ATRN: variants seen among roughly 807,000 people sequenced by gnomAD.
The protein encoded by ATRN is attractin-2.
ATRN carries 54 observed loss-of-function variants against 178.7 expected under a neutral mutation model. The observed-to-expected ratio is 0.30, with a 90% confidence interval of 0.24 to 0.38. The LOEUF is 0.38. Ranked by LOEUF, ATRN falls within the 10% of genes least tolerant of loss-of-function variation. ATRN has a pLI of 1.00. For missense variants in ATRN, 1,443 were observed against 1,815.1 expected (o/e 0.79, Z 3.73); for synonymous variants, 636 against 663.0 (o/e 0.96, Z 0.63).
Position 3,540,222 on chromosome 20 carries a change from G to T in ATRN, c.495G>T (p.Gln165His). The change falls in exon 3 of 29, where the codon CAG becomes CAT. Residue 165 changes from glutamine (Q) to histidine (H), a missense_variant and splice_region_variant. By Grantham distance (24) the Gln-to-His change is conservative. This residue lies in a region of ATRN where 862 missense variants were observed against 972.1 expected (regional missense o/e 0.89). Transcript: ENST00000262919. ...KTKCTWLIEG[Q>H]PNRIMRLRFN... ...AAATTACTTTTTTTATTCTTTTCAG[G>T]CCAAATAGAATAATGAGACTTCGTT... is the stretch of plus-strand genomic sequence containing the variant. The T allele has an allele frequency of 6.4e-7, 1 of 1,552,722 alleles. No individual in the cohort carries two copies. Among genetic ancestry groups the T allele is most frequent in the Non-Finnish European group, 8.8e-7 (1 of 1,139,114 alleles).
chr20:3,487,940 C>T (rs1333082893), intron 1 of ATRN, among the ~76,000 whole-genome samples: 4 of 152,154 alleles, frequency 2.6e-5, no homozygotes, highest in Non-Finnish European at 4.4e-5. Flanking sequence ...GAAGGGCTCT[C>T]GGTTCCAATT....
intron 25 of ATRN, chr20:3,629,119 C>T (rs1179177308): frequency 1.0e-6 from 1 of 985,234 alleles, no homozygotes; most frequent in African/African-American, 1.7e-5. Context: ...GCCGTCAGTG[C>T]ACTCTCCACC....
chr20:3,531,901 TTAAAA>T (rs1234521833), intron 1 of ATRN, among the ~76,000 whole-genome samples: 4 of 152,106 alleles, frequency 2.6e-5, no homozygotes, highest in Non-Finnish European at 1.5e-5. Context: ...AAGTAAACAT[TTAAAA>T]TAAAACTGAC....
intron 6 of ATRN, among the ~76,000 whole-genome samples, chr20:3,557,402 G>A (rs891882769): frequency 6.6e-6 from 1 of 152,162 alleles, no homozygotes; most frequent in Non-Finnish European, 1.5e-5. Flanking sequence ...CAACATCTGC[G>A]AAGTTCTGGA....
Position 3,549,282 on chromosome 20 carries a change from T to C in ATRN, c.1056T>C (p.Ile352=). Residue 352 remains isoleucine (I), a synonymous_variant, in exon 6 of 29, where the codon ATT becomes ATC. Coordinates refer to ENST00000262919, the MANE Select transcript of ATRN (RefSeq NM_139321.3). ...ATAAAGCTGTGGTCAATGGAAACAT[T>C]ATGTGGGTTGTTGGAGGATATATGT... ...ASHKAVVNGN[I]MWVVGGYMFN... is the part of the protein sequence containing the mutation. 1 of 1,609,670 alleles carries C rather than the reference T, an allele frequency of 6.2e-7. No homozygotes were observed. The highest frequency in any genetic ancestry group is 1.7e-5 in the Admixed American group (1 of 58,896).
intron 18 of ATRN, among the ~76,000 whole-genome samples, chr20:3,585,526 G>A (rs751938931): frequency 7.9e-5 from 12 of 152,128 alleles, no homozygotes; most frequent in East Asian, 1.9e-4. Context: ...CAAATTTTCC[G>A]TGTTCCCTTT....
At chr20:3,534,283 G>A (rs1489573918) in intron 1 of ATRN, among the ~76,000 whole-genome samples, 1 of 152,166 alleles carries the variant, frequency 6.6e-6, no homozygotes, top group Admixed American at 6.5e-5. Flanking sequence ...TGGAAAGGGG[G>A]AATAAACTGG....
intron 1 of ATRN, among the ~76,000 whole-genome samples, chr20:3,497,988 C>G (rs1446105226): frequency 8.6e-5 from 13 of 151,878 alleles, no homozygotes; most frequent in African/African-American, 2.4e-4. Context: ...AATAAAAAAT[C>G]ATAAAGGGGA....
At chr20:3,496,794 C>G (rs151560) in intron 1 of ATRN, among the ~76,000 whole-genome samples, 10,346 of 151,306 alleles carry the variant, frequency 0.068, 982 homozygotes, top group African/African-American at 0.22. Flanking sequence ...GTGTGGGAGT[C>G]TAAGTCTCTT....
In ATRN at chr20:3,512,085, T is replaced by TTATA. The variant is rs1212714416; in HGVS notation, c.411-23148_411-23145dup. On this transcript the variant is annotated intron_variant, in intron 1 of 28. Coordinates refer to ENST00000262919, the MANE Select transcript of ATRN (RefSeq NM_139321.3). ...ACTGGGTTATGTGTTCTTTTTTCTTTTATATATATATATATATATATATTT... is the reference window on the plus strand; with the variant it reads ...ACTGGGTTATGTGTTCTTTTTTCTTTTATATATATATATATATATATATATATTT... 1.2e-3 allele frequency among the ~76,000 whole-genome samples: 138 copies of TTATA among 119,732 alleles called. 1 individual carries two copies. Among genetic ancestry groups the TTATA allele is most frequent in the East Asian group, 7.2e-3 (34 of 4,692 alleles). The allele number at this position is 119,732 out of a possible 152,430, so 78.5% of individuals were successfully genotyped here.
At chr20:3,573,094 G>T in intron 12 of ATRN, 143 bp downstream of exon 12, 1 of 790,730 alleles carries the variant, frequency 1.3e-6, no homozygotes, top group Non-Finnish European at 2.0e-6. Flanking sequence ...AGTGTTTTTG[G>T]ATATTTGATA....
At chr20:3,602,735 A>G (rs1021273760) in intron 23 of ATRN, among the ~76,000 whole-genome samples, 2 of 151,934 alleles carry the variant, frequency 1.3e-5, no homozygotes, top group African/African-American at 4.8e-5. Flanking sequence ...AGGCTGGGGC[A>G]GGTGGATTAC....
chr20:3,604,744 A>G (rs897409507), intron 24 of ATRN, among the ~76,000 whole-genome samples: 1 of 152,224 alleles, frequency 6.6e-6, no homozygotes, highest in Non-Finnish European at 1.5e-5. Flanking sequence ...CTAGTCAGAC[A>G]GAGGTGGATT....
In ATRN at chr20:3,559,405, T is replaced by G; in HGVS notation, c.1125T>G (p.Ala375=). 1.9e-6 allele frequency: 3 copies of G among 1,613,294 alleles called. No homozygotes were observed. Among genetic ancestry groups the G allele is most frequent in the South Asian group, 1.1e-5 (1 of 91,058 alleles). The change falls in exon 7 of 29, where the codon GCT becomes GCG. Residue 375 remains alanine, a synonymous_variant. Transcript: ENST00000262919. ...GTTTGTTTTGTAGGTATGACCTTGCTTCTAGGGAGTGGCTTCCACTAAACC... is the reference window on the plus strand; with the variant it reads ...GTTTGTTTTGTAGGTATGACCTTGCGTCTAGGGAGTGGCTTCCACTAAACC... ...DYNMVLAYDL[A]SREWLPLNRS...
chr20:3,626,669 C>G (rs369247336), intron 25 of ATRN, among the ~76,000 whole-genome samples: 14 of 152,026 alleles, frequency 9.2e-5, no homozygotes, highest in Admixed American at 2.6e-4. Flanking sequence ...AGAAGTTCCT[C>G]TTGTGTTTCC....
intron 1 of ATRN, among the ~76,000 whole-genome samples, chr20:3,493,032 T>G (rs1301613362): frequency 1.4e-5 from 2 of 146,904 alleles, no homozygotes; most frequent in African/African-American, 4.9e-5. Flanking sequence ...TCTATAATTA[T>G]ATAAAATATA....
chr20:3,562,266 T>G lies in ATRN; in HGVS notation c.1448-10T>G. ...TGCCATGCTTGCCTTTAACTGTCTTTCCTTTCCAGATAAGAACACATGGAG... is the reference window on the plus strand; with the variant it reads ...TGCCATGCTTGCCTTTAACTGTCTTGCCTTTCCAGATAAGAACACATGGAG... On this transcript the variant is annotated splice_polypyrimidine_tract_variant and intron_variant, in intron 8 of 28. Transcript: ENST00000262919. 3.7e-6 allele frequency: 6 copies of G among 1,606,864 alleles called. No homozygotes were observed. Among genetic ancestry groups the G allele is most frequent in the African/African-American group, 1.3e-5 (1 of 74,850 alleles).
intron 1 of ATRN, among the ~76,000 whole-genome samples, chr20:3,482,540 C>G (rs1473459940): frequency 6.6e-6 from 1 of 152,162 alleles, no homozygotes; most frequent in Non-Finnish European, 1.5e-5. Flanking sequence ...ATGAAAAGGC[C>G]AACCTGGCTA....
In ATRN at chr20:3,591,394, C is replaced by T. The variant is rs2086440287; in HGVS notation, c.3322+88C>T. The T allele has an allele frequency of 6.8e-6, 10 of 1,465,382 alleles. No individual in the cohort carries two copies. The East Asian group carries it at 2.1e-4, about 31-fold the overall frequency. 90.8% of individuals were successfully genotyped at this position (1,465,382 alleles called of 1,614,324 possible). ...ACTTGAATATCTAGGAGGAAAAAAG[C>T]CACTTTGTTTTGGATACCACATTTC... On this transcript the variant is annotated intron_variant, in intron 19 of 28. Coordinates refer to ENST00000262919, the MANE Select transcript of ATRN (RefSeq NM_139321.3).
Sources: gnomAD v4.1 joint callset for allele counts (sites outside exome capture counted in the v4.1 genomes callset) on GRCh38, gnomAD v4.1.1 for gene constraint, gnomAD v4.1.1 regional missense constraint, MANE v1.5 for transcripts, NCBI Gene and HGNC (gene_info 2026-07-23, HGNC 2026-07-21) for gene names.